SCMH1: variants seen among roughly 807,000 people sequenced by gnomAD.
The protein encoded by SCMH1 is polycomb protein SCMH1.
A neutral mutation model predicts 70.8 loss-of-function variants in SCMH1; 37 were observed. That is an observed-to-expected ratio of 0.52 (90% CI 0.40 to 0.69). The LOEUF (loss-of-function observed/expected upper bound fraction) is 0.69, where lower values mean the gene tolerates loss of function less well. SCMH1 is among the 30% of genes least tolerant of loss of function. SCMH1 has a pLI of 0.00. For synonymous variants in SCMH1, 292 were observed against 307.4 expected, an observed-to-expected ratio of 0.95 and a Z score of 0.52; for missense variants, 607 against 827.3, an observed-to-expected ratio of 0.73 and a Z score of 3.27.
chr1:41,217,113 T>G (rs1398445022), intron 1 of SCMH1, among the ~76,000 whole-genome samples: 1 of 152,140 alleles, frequency 6.6e-6, no homozygotes, highest in East Asian at 1.9e-4. Flanking sequence ...TAAATTTCCT[T>G]GAAGAGATAG....
chr1:41,199,766 T>G (rs1459142509), intron 1 of SCMH1, among the ~76,000 whole-genome samples: 1 of 152,052 alleles, frequency 6.6e-6, no homozygotes, highest in East Asian at 1.9e-4. Flanking sequence ...AACTTCCTAT[T>G]GGGTACTATG....
intron 13 of SCMH1, 28 bp from the exon 15 acceptor site, chr1:41,028,754 A>G: frequency 6.2e-7 from 1 of 1,611,960 alleles, no homozygotes; most frequent in Non-Finnish European, 8.5e-7. Flanking sequence ...ACCTACCATA[A>G]AGGGCGGGGA....
At chr1:41,074,795 C>T (rs943155041) in intron 9 of SCMH1, among the ~76,000 whole-genome samples, 8 of 152,150 alleles carry the variant, frequency 5.3e-5, no homozygotes, top group Non-Finnish European at 8.8e-5. Context: ...ATAAGATACA[C>T]AAGATAGAGA....
intron 8 of SCMH1, among the ~76,000 whole-genome samples, chr1:41,099,754 C>T (rs569654920): frequency 5.3e-5 from 8 of 152,250 alleles, no homozygotes; most frequent in African/African-American, 1.7e-4. Flanking sequence ...TTTCTGAGCC[C>T]GTTTCCTTAT....
At chr1:41,182,732 C>CA (rs200407409) in intron 2 of SCMH1, among the ~76,000 whole-genome samples, 23 of 150,852 alleles carry the variant, frequency 1.5e-4, no homozygotes, top group Admixed American at 4.6e-4. Context: ...AAGACAAAAA[C>CA]AAAAAAAACA....
intron 5 of SCMH1, among the ~76,000 whole-genome samples, chr1:41,143,710 T>C (rs926049019): frequency 1.3e-5 from 2 of 152,138 alleles, no homozygotes; most frequent in African/African-American, 4.8e-5. Flanking sequence ...GCCATTATCC[T>C]CAAGCTCTCA....
chr1:41,046,590 C>A, exon 12 of SCMH1: 2 of 1,613,966 alleles, frequency 1.2e-6, no homozygotes, highest in South Asian at 2.2e-5. Context: ...TGTTCCCGGT[C>A]AAACACGGCT....
At chr1:41,132,569 T>A (rs1236240941) in intron 6 of SCMH1, among the ~76,000 whole-genome samples, 3 of 152,234 alleles carry the variant, frequency 2.0e-5, no homozygotes, top group Non-Finnish European at 4.4e-5. Flanking sequence ...ATTTGTCAAT[T>A]TTGGCTTTTG....
intron 1 of SCMH1, among the ~76,000 whole-genome samples, chr1:41,223,162 C>T (rs888138791): frequency 1.3e-5 from 2 of 152,110 alleles, no homozygotes; most frequent in Admixed American, 6.6e-5. Context: ...GAATCTGGAG[C>T]CTTCCAGGAT....
exon 14 of SCMH1, chr1:41,028,647 C>T: frequency 6.2e-7 from 1 of 1,614,198 alleles, no homozygotes. Context: ...CAAACTGCAT[C>T]ACATCCTCGA....
intron 1 of SCMH1, among the ~76,000 whole-genome samples, chr1:41,218,631 T>C (rs1385575497): frequency 6.6e-6 from 1 of 152,242 alleles, no homozygotes; most frequent in Non-Finnish European, 1.5e-5. Flanking sequence ...TGTGGTACTT[T>C]GTTACAGCAA....
rs781356599 is a variant in SCMH1, at chr1:41,145,727, T to C, written c.178-2615A>G. ...TGGTCAAAAACAGACTATGTATAGA[T>C]TGTGGTCCCATAAGACTACAATGGA... is the stretch of plus-strand genomic sequence containing the variant. On this transcript the variant is annotated intron_variant, in intron 5 of 14. Coordinates refer to ENST00000337495, the Ensembl canonical transcript of SCMH1. Among the ~76,000 whole-genome samples the C allele has an allele frequency of 3.0e-4, 46 of 152,166 alleles. 1 individual carries two copies. The highest frequency in any genetic ancestry group is 5.9e-4 in the Non-Finnish European group (40 of 68,018).
chr1:41,112,256 T>C (rs72663780), intron 8 of SCMH1, among the ~76,000 whole-genome samples: 20,255 of 152,198 alleles, frequency 0.13, 1,770 homozygotes, highest in Middle Eastern at 0.28. Flanking sequence ...GGCTTACAAT[T>C]AGGTGCTCAA....
At chr1:41,214,370 ATAACT>A (rs924687831) in intron 1 of SCMH1, among the ~76,000 whole-genome samples, 3 of 152,292 alleles carry the variant, frequency 2.0e-5, no homozygotes, top group East Asian at 1.9e-4. Flanking sequence ...CAAAATATAA[ATAACT>A]TAAGTGTCAA....
chr1:41,097,892 C>T (rs924944220), intron 8 of SCMH1, among the ~76,000 whole-genome samples: 26 of 152,172 alleles, frequency 1.7e-4, no homozygotes, highest in Non-Finnish European at 2.2e-4. Context: ...CAGAATAAGC[C>T]GTGCTATTCT....
intron 6 of SCMH1, among the ~76,000 whole-genome samples, chr1:41,120,278 C>T (rs114060798): frequency 7.7e-4 from 117 of 152,228 alleles, no homozygotes; most frequent in Admixed American, 1.2e-3. Context: ...GAAATCATTA[C>T]AATATTATCA....
At chr1:41,132,110 G>A (rs1486908688) in intron 6 of SCMH1, among the ~76,000 whole-genome samples, 1 of 152,150 alleles carries the variant, frequency 6.6e-6, no homozygotes, top group African/African-American at 2.4e-5. Context: ...CTAGATCCTT[G>A]AAGAATCGCG....
intron 1 of SCMH1, among the ~76,000 whole-genome samples, chr1:41,197,719 A>T (rs187749502): frequency 6.2e-4 from 94 of 152,244 alleles, no homozygotes; most frequent in African/African-American, 2.2e-3. Flanking sequence ...CAACAGGTGG[A>T]TGTGCATCAG....
intron 2 of SCMH1, among the ~76,000 whole-genome samples, chr1:41,166,359 G>GT (rs990582563): frequency 3.9e-5 from 6 of 151,956 alleles, no homozygotes; most frequent in Non-Finnish European, 8.8e-5. Flanking sequence ...TTTTAGCATT[G>GT]TTTTTTCTAC....
Sources: gnomAD v4.1 joint callset for allele counts (sites outside exome capture counted in the v4.1 genomes callset) on GRCh38, gnomAD v4.1.1 for gene constraint, MANE v1.5 for transcripts, NCBI Gene and HGNC (gene_info 2026-07-23, HGNC 2026-07-21) for gene names.